Variants in MCTP1 observed in about 807,000 individuals in gnomAD.
MCTP1 encodes the protein multiple C2 and transmembrane domain containing 1.
MCTP1 carries 69 observed loss-of-function variants against 120.6 expected under a neutral mutation model. That is an observed-to-expected ratio of 0.57 (90% CI 0.47 to 0.70). The LOEUF (loss-of-function observed/expected upper bound fraction) is 0.70. Among genes scored for constraint, MCTP1 ranks in the 30% least tolerant of loss-of-function variants. The pLI, the probability that MCTP1 is intolerant of heterozygous loss-of-function variation, is 0.00. For synonymous variants in MCTP1, 529 were observed against 493.1 expected, an observed-to-expected ratio of 1.07 and a Z score of -0.96; for missense variants, 1,203 against 1,248.8, an observed-to-expected ratio of 0.96 and a Z score of 0.55.
At chr5:95,001,833 C>T (rs906645650) in intron 2 of MCTP1, among the ~76,000 whole-genome samples, 14 of 152,104 alleles carry the variant, frequency 9.2e-5, no homozygotes, top group African/African-American at 2.2e-4. Flanking sequence ...GCAGAAGTAA[C>T]GAGGAGCCAA....
intron 1 of MCTP1, among the ~76,000 whole-genome samples, chr5:95,057,639 C>T (rs1215434278): frequency 6.6e-6 from 1 of 152,114 alleles, no homozygotes; most frequent in Non-Finnish European, 1.5e-5. Context: ...TCCAAACTTC[C>T]TGATAATTTG....
rs189860050 is a variant in MCTP1 at position 95,052,591 on chromosome 5, G to C, written c.721-35107C>G. Among the ~76,000 whole-genome samples the C allele has an allele frequency of 2.2e-3, 336 of 152,238 alleles. 1 individual carries two copies. The highest frequency in any genetic ancestry group is 4.9e-3 in the Admixed American group (75 of 15,296). On this transcript the variant is annotated intron_variant, in intron 1 of 22. Transcript: ENST00000515393. The stretch of plus-strand genomic sequence containing the variant: ...AATAGCTCCTATGTTAAAATTTACA[G>C]TTGCCATCCTATAGCCTTTCAAAGA...
intron 2 of MCTP1, among the ~76,000 whole-genome samples, chr5:95,009,533 A>C (rs1835491631): frequency 6.6e-6 from 1 of 151,678 alleles, no homozygotes. Flanking sequence ...TAAAAAATTT[A>C]CTATATGTAT....
intron 18 of MCTP1, among the ~76,000 whole-genome samples, chr5:94,779,930 T>G (rs958219105): frequency 1.3e-5 from 2 of 152,178 alleles, no homozygotes; most frequent in South Asian, 4.1e-4. Context: ...ATAACTTCCC[T>G]TTGCCTTGAT....
At chr5:95,002,494 C>T (rs1833926492) in intron 2 of MCTP1, among the ~76,000 whole-genome samples, 1 of 152,204 alleles carries the variant, frequency 6.6e-6, no homozygotes, top group Non-Finnish European at 1.5e-5. Context: ...GAGCCCACCT[C>T]TTGCATCAGT....
intron 17 of MCTP1, among the ~76,000 whole-genome samples, chr5:94,856,484 G>A (rs1439968397): frequency 6.6e-6 from 1 of 151,682 alleles, no homozygotes; most frequent in Admixed American, 6.6e-5. Context: ...AGGATAAAAT[G>A]CATTAGAAGT....
At chr5:94,940,570 A>G (rs1817370527) in intron 4 of MCTP1, among the ~76,000 whole-genome samples, 2 of 144,570 alleles carry the variant, frequency 1.4e-5, no homozygotes, top group Admixed American at 1.4e-4. Flanking sequence ...GCAAATATAT[A>G]TATATACATA....
chr5:94,992,318 A>T (rs930499096), intron 2 of MCTP1, among the ~76,000 whole-genome samples: 1 of 152,168 alleles, frequency 6.6e-6, no homozygotes, highest in Non-Finnish European at 1.5e-5. Flanking sequence ...GATGATGATG[A>T]TGAAAACAGA....
At chr5:95,066,652 CT>C (rs1750733491) in intron 1 of MCTP1, among the ~76,000 whole-genome samples, 1 of 152,128 alleles carries the variant, frequency 6.6e-6, no homozygotes, top group African/African-American at 2.4e-5. Context: ...TAATGGAATA[CT>C]TTTCAGTTAT....
At chr5:94,888,511 T>C (rs1801821370) in intron 12 of MCTP1, among the ~76,000 whole-genome samples, 1 of 152,186 alleles carries the variant, frequency 6.6e-6, no homozygotes, top group Admixed American at 6.5e-5. Context: ...GCAACAGATT[T>C]CATGCATGTT....
chr5:94,824,295 A>G (rs1786421131), intron 17 of MCTP1, among the ~76,000 whole-genome samples: 1 of 152,124 alleles, frequency 6.6e-6, no homozygotes, highest in South Asian at 2.1e-4. Flanking sequence ...CCATTTATTG[A>G]GCTAATCATG....
intron 6 of MCTP1, chr5:94,931,175 A>G (rs1440304735): frequency 1.3e-5 from 2 of 152,160 alleles, no homozygotes; most frequent in South Asian, 2.1e-4. Context: ...GCATGATTCA[A>G]TCAGAATGGA....
intron 17 of MCTP1, among the ~76,000 whole-genome samples, chr5:94,805,777 G>C (rs1029102830): frequency 6.7e-6 from 1 of 150,082 alleles, no homozygotes; most frequent in African/African-American, 2.5e-5. Flanking sequence ...CTGAGGCTTA[G>C]GAGTTTGAGA....
intron 3 of MCTP1, among the ~76,000 whole-genome samples, chr5:94,948,405 C>T (rs1819647877): frequency 6.6e-6 from 1 of 152,126 alleles, no homozygotes; most frequent in Non-Finnish European, 1.5e-5. Context: ...ATTCTTTGCC[C>T]ACAATCCAAA....
chr5:95,001,382 A>G (rs1833664061), intron 2 of MCTP1, among the ~76,000 whole-genome samples: 1 of 152,202 alleles, frequency 6.6e-6, no homozygotes, highest in Non-Finnish European at 1.5e-5. Context: ...AGGGCTCCGA[A>G]GAAGACAGGA....
intron 7 of MCTP1, among the ~76,000 whole-genome samples, chr5:94,922,058 G>A (rs1331646975): frequency 2.0e-5 from 3 of 152,000 alleles, no homozygotes; most frequent in African/African-American, 2.4e-5. Flanking sequence ...TTTCCTCATT[G>A]GTAAAACAGA....
At position 95,283,987 on chromosome 5, in the gene MCTP1, T is replaced by G. The variant is rs755094346; in HGVS notation, c.589A>C (p.Lys197Gln). The change falls in exon 1 of 23, where the codon AAG becomes CAG. Residue 197 changes from lysine (K) to glutamine (Q), a missense_variant. By Grantham distance (53) the Lys-to-Gln change is moderately conservative (BLOSUM62 1). This residue lies in a region of MCTP1 where 463 missense variants were observed against 377.8 expected (regional missense o/e 1.23). Coordinates refer to ENST00000515393, the MANE Select transcript of MCTP1 (RefSeq NM_024717.7). ...QGPGAHLCHQ[K>Q]SSSLPGTACL... is the part of the protein sequence containing the mutation. ...GCGGTGCCCGGCAGAGAGGAGCTCT[T>G]CTGGTGGCACAAGTGCGCCCCGGGG... 5.0e-5 allele frequency: 73 copies of G among 1,463,946 alleles called. No individual in the cohort carries two copies. Among genetic ancestry groups the G allele is most frequent in the Non-Finnish European group, 6.4e-5 (71 of 1,112,218 alleles). 90.7% of individuals were successfully genotyped at this position (1,463,946 alleles called of 1,614,324 possible). A position where few individuals can be genotyped will look rare whatever the true frequency, so the allele number is the denominator to read the frequency against.
chr5:94,834,165 G>T (rs1256825211), intron 17 of MCTP1, among the ~76,000 whole-genome samples: 1 of 152,204 alleles, frequency 6.6e-6, no homozygotes, highest in Non-Finnish European at 1.5e-5. Flanking sequence ...AGTAAGAAAT[G>T]CAGGCTTTAA....
chr5:94,953,943 A>AAT (rs147179108), intron 2 of MCTP1, among the ~76,000 whole-genome samples: 10,875 of 20,658 alleles, frequency 0.53, 4,234 homozygotes, highest in Non-Finnish European at 0.6. Context: ...TATATATACA[A>AAT]ATATATATGC....
Sources: gnomAD v4.1 joint callset for allele counts (sites outside exome capture counted in the v4.1 genomes callset) on GRCh38, gnomAD v4.1.1 for gene constraint, gnomAD v4.1.1 regional missense constraint, MANE v1.5 for transcripts, NCBI Gene and HGNC (gene_info 2026-07-23, HGNC 2026-07-21) for gene names.